SKAP1: variants seen among roughly 807,000 people sequenced by gnomAD.
SKAP1 encodes src kinase-associated phosphoprotein 1.
A neutral mutation model predicts 58.5 loss-of-function variants in SKAP1; 44 were observed. The observed-to-expected ratio is 0.75, with a 90% CI of 0.59 to 0.97. The LOEUF (loss-of-function observed/expected upper bound fraction) is 0.97, where lower values mean the gene tolerates loss of function less well. Among genes scored for constraint, SKAP1 ranks in the 50% least tolerant of loss-of-function variants. The pLI, the probability that SKAP1 is intolerant of heterozygous loss-of-function variation, is 0.00. For missense variants in SKAP1, 390 were observed against 435.2 expected, an observed-to-expected ratio of 0.90 and a Z score of 0.92; for synonymous variants, 127 against 149.7, an observed-to-expected ratio of 0.85 and a Z score of 1.11.
chr17:48,369,178 T>TAAATAAATAAATAAATAAAA (rs775168454), intron 2 of SKAP1, among the ~76,000 whole-genome samples: 21 of 145,284 alleles, frequency 1.4e-4, no homozygotes, highest in African/African-American at 5.4e-4. Context: ...AATAAATAAA[T>TAAATAAATAAATAAATAAAA]ATAAAATAAA....
chr17:48,158,258 T>C (rs2064010800), intron 11 of SKAP1, among the ~76,000 whole-genome samples: 1 of 149,916 alleles, frequency 6.7e-6, no homozygotes, highest in Non-Finnish European at 1.5e-5. Flanking sequence ...TAAAAGATTC[T>C]CCTCTGGGCC....
At chr17:48,162,071 T>G (rs1159494658) in intron 11 of SKAP1, among the ~76,000 whole-genome samples, 1 of 152,128 alleles carries the variant, frequency 6.6e-6, no homozygotes, top group Non-Finnish European at 1.5e-5. Context: ...GTTCAAGCAA[T>G]TCTCATGCCT....
At chr17:48,303,854 A>C (rs924037844) in intron 4 of SKAP1, among the ~76,000 whole-genome samples, 1 of 152,184 alleles carries the variant, frequency 6.6e-6, no homozygotes, top group African/African-American at 2.4e-5. Context: ...ATGTTTGGGA[A>C]ACCCTAAGGC....
Position 48,180,260 on chromosome 17 carries a change from A to AAGATGAGATGAGATG in SKAP1, c.632-13_632-12insCATCTCATCTCATCT. 1 of 1,541,988 alleles carries AAGATGAGATGAGATG rather than the reference A, an allele frequency of 6.5e-7. No individual in the cohort carries two copies. Among genetic ancestry groups the AAGATGAGATGAGATG allele is most frequent in the Non-Finnish European group, 8.7e-7 (1 of 1,143,154 alleles). On this transcript the variant is annotated splice_polypyrimidine_tract_variant and intron_variant, in intron 8 of 12. Coordinates refer to ENST00000336915, the MANE Select transcript of SKAP1 (RefSeq NM_003726.4). The stretch of plus-strand genomic sequence containing the variant: ...TAAGGAGCTCAGATCTAACAAGGCA[A>AAGATGAGATGAGATG]AGATGAGAATGAATCAAGAAACAGA...
intron 4 of SKAP1, among the ~76,000 whole-genome samples, chr17:48,330,101 T>C (rs1237867976): frequency 1.3e-5 from 2 of 152,210 alleles, no homozygotes; most frequent in Non-Finnish European, 2.9e-5. Flanking sequence ...GGCTAATAAA[T>C]CTTTTGCAGG....
chr17:48,391,628 G>C (rs2067346237), intron 2 of SKAP1, among the ~76,000 whole-genome samples: 1 of 152,128 alleles, frequency 6.6e-6, no homozygotes. Context: ...GTTGTTGTGG[G>C]TTTGTTTTTT....
chr17:48,195,263 C>T (rs930783833), intron 4 of SKAP1, among the ~76,000 whole-genome samples: 1 of 152,140 alleles, frequency 6.6e-6, no homozygotes, highest in Non-Finnish European at 1.5e-5. Context: ...AGGAACCAGT[C>T]AATAAATGAT....
chr17:48,181,639 C>A (rs1359801197), intron 8 of SKAP1, among the ~76,000 whole-genome samples: 2 of 152,182 alleles, frequency 1.3e-5, no homozygotes, highest in Non-Finnish European at 2.9e-5. Flanking sequence ...TGACGTGTGT[C>A]TTTCTAGGTC....
rs1282143476 is a variant in SKAP1 at position 48,305,460 on chromosome 17, G to A, written c.280+40445C>T. 2.6e-5 allele frequency among the ~76,000 whole-genome samples: 4 copies of A among 152,318 alleles called. No homozygotes were observed. In the East Asian group the frequency reaches 7.7e-4, roughly 29 times the overall value. On this transcript the variant is annotated intron_variant, in intron 4 of 12. Transcript: ENST00000336915. ...CATTTGCTGCTCTTGAGACTGTATG[G>A]ACCACAAAGCCTAAAGTACTTACTA...
intron 1 of SKAP1, among the ~76,000 whole-genome samples, chr17:48,408,018 A>C (rs576039449): frequency 7.9e-5 from 12 of 152,228 alleles, no homozygotes; most frequent in Non-Finnish European, 1.5e-4. Flanking sequence ...AGGCAGAGTA[A>C]AAAGGAGCAA....
chr17:48,263,806 A>G (rs1401161397), intron 4 of SKAP1, among the ~76,000 whole-genome samples: 1 of 152,218 alleles, frequency 6.6e-6, no homozygotes, highest in East Asian at 1.9e-4. Flanking sequence ...TTTGACCGCC[A>G]GATGACCTCC....
At chr17:48,323,371 A>G (rs550947870) in intron 4 of SKAP1, among the ~76,000 whole-genome samples, 14 of 152,186 alleles carry the variant, frequency 9.2e-5, no homozygotes, top group African/African-American at 2.6e-4. Flanking sequence ...TTTTATTCAC[A>G]GAGTCCAAAT....
At chr17:48,402,076 A>G (rs1478186435) in intron 1 of SKAP1, among the ~76,000 whole-genome samples, 2 of 152,162 alleles carry the variant, frequency 1.3e-5, no homozygotes, top group Non-Finnish European at 2.9e-5. Context: ...ATGAAATACC[A>G]CTTCACACCC....
chr17:48,284,531 T>C (rs533753005), intron 4 of SKAP1, among the ~76,000 whole-genome samples: 1 of 152,342 alleles, frequency 6.6e-6, no homozygotes, highest in African/African-American at 2.4e-5. Context: ...AGGTGACTTC[T>C]ATGTTCAGAC....
At chr17:48,137,050 A>G in intron 12 of SKAP1, 179 bp downstream of exon 12, 1 of 522,210 alleles carries the variant, frequency 1.9e-6, no homozygotes, top group Non-Finnish European at 3.5e-6. Context: ...CTGTCCCCAA[A>G]TTTAAGAAAA....
intron 2 of SKAP1, among the ~76,000 whole-genome samples, chr17:48,388,912 T>C (rs574231452): frequency 3.3e-5 from 5 of 152,332 alleles, no homozygotes; most frequent in Admixed American, 6.5e-5. Context: ...CTTGTGGTTA[T>C]GGTAGAATTT....
At position 48,339,968 on chromosome 17, in the gene SKAP1, G is replaced by A. The variant is rs1014879773; in HGVS notation, c.280+5937C>T. Among the ~76,000 whole-genome samples, 7 of 152,204 alleles carry A rather than the reference G, an allele frequency of 4.6e-5. No homozygotes were observed. In the South Asian group the frequency reaches 1.5e-3, roughly 32 times the overall value. ...GAGGCTGAGGCGGGTGGATCACGAG[G>A]TCGGGAGTTCGAGACCAGCCTGACC... On this transcript the variant is annotated intron_variant, in intron 4 of 12. Transcript: ENST00000336915.
intron 1 of SKAP1, among the ~76,000 whole-genome samples, chr17:48,412,222 T>G (rs917897193): frequency 2.0e-5 from 3 of 152,236 alleles, no homozygotes; most frequent in Non-Finnish European, 2.9e-5. Context: ...TTCAATTCAT[T>G]CATTAACCTG....
At chr17:48,408,998 C>T (rs1244159672) in intron 1 of SKAP1, among the ~76,000 whole-genome samples, 1 of 152,190 alleles carries the variant, frequency 6.6e-6, no homozygotes, top group African/African-American at 2.4e-5. Context: ...GGGTTTTCCA[C>T]TAAGTGACCA....
Sources: allele counts gnomAD v4.1 joint callset (sites outside exome capture counted in the v4.1 genomes callset), GRCh38; gene constraint gnomAD v4.1.1; transcripts MANE v1.5; gene names NCBI Gene and HGNC (gene_info 2026-07-23, HGNC 2026-07-21).